The following SAMD4A variants were observed in gnomAD, a reference collection of about 807,000 sequenced individuals.
SAMD4A encodes sterile alpha motif domain containing 4A.
Under a neutral mutation model 81.3 loss-of-function variants are expected in SAMD4A, and 33 were observed. That is an observed-to-expected ratio of 0.41 (90% CI 0.31 to 0.54). SAMD4A has a LOEUF of 0.54. SAMD4A is among the 20% of genes least tolerant of loss of function. SAMD4A has a pLI of 0.37. For synonymous variants in SAMD4A, 389 were observed against 382.1 expected (o/e 1.02, Z -0.21); for missense variants, 854 against 951.1 (o/e 0.90, Z 1.34).
intron 3 of SAMD4A, among the ~76,000 whole-genome samples, chr14:54,715,492 C>T (rs574319121): frequency 2.0e-5 from 3 of 152,006 alleles, no homozygotes; most frequent in African/African-American, 4.8e-5. Flanking sequence ...CTACATACTA[C>T]GTGAAAAATC....
intron 12 of SAMD4A, 31 bp downstream of exon 12, chr14:54,784,651 T>G: frequency 1.3e-6 from 2 of 1,586,422 alleles, no homozygotes; most frequent in South Asian, 2.2e-5. Flanking sequence ...TGTCCCCATG[T>G]CCCTGTTACC....
intron 2 of SAMD4A, among the ~76,000 whole-genome samples, chr14:54,579,830 A>G (rs551175562): frequency 6.4e-4 from 97 of 152,334 alleles, no homozygotes; most frequent in Non-Finnish European, 7.6e-4. Context: ...ATAATTGCTC[A>G]TGACGTCCTT....
Position 54,579,781 on chromosome 14 carries a change from C to T in SAMD4A, c.196+11669C>T, listed in dbSNP as rs561938106. ...CTGGGCTTGAGGAGGGAAACAGGCC[C>T]TGCACACTGCAGAAAGGAAAGCCTA... On this transcript the variant is annotated intron_variant, in intron 2 of 12. Transcript: ENST00000554335. Among the ~76,000 whole-genome samples, 4 of 152,308 alleles carry T rather than the reference C, an allele frequency of 2.6e-5. No homozygotes were observed. In the East Asian group the frequency reaches 7.7e-4, roughly 29 times the overall value.
chr14:54,744,735 C>G (rs2037926186), intron 4 of SAMD4A, among the ~76,000 whole-genome samples: 2 of 152,178 alleles, frequency 1.3e-5, no homozygotes, highest in African/African-American at 4.8e-5. Flanking sequence ...GCATGGCTCT[C>G]ACCCCATGCT....
At chr14:54,578,602 C>T (rs1359465606) in intron 2 of SAMD4A, among the ~76,000 whole-genome samples, 2 of 151,866 alleles carry the variant, frequency 1.3e-5, no homozygotes, top group African/African-American at 4.8e-5. Flanking sequence ...GTCCCAACTA[C>T]TCGGGAGGCT....
At chr14:54,628,294 G>A (rs2034813749) in intron 2 of SAMD4A, among the ~76,000 whole-genome samples, 1 of 152,156 alleles carries the variant, frequency 6.6e-6, no homozygotes, top group Non-Finnish European at 1.5e-5. Context: ...GAAGTGACAG[G>A]CGCTTTGCCC....
At chr14:54,690,902 T>C (rs1179915046) in intron 2 of SAMD4A, among the ~76,000 whole-genome samples, 1 of 152,112 alleles carries the variant, frequency 6.6e-6, no homozygotes, top group African/African-American at 2.4e-5. Context: ...GGGCAGACAA[T>C]GGTTAGTTTC....
chr14:54,741,771 AG>A (rs1303524452), intron 4 of SAMD4A, among the ~76,000 whole-genome samples: 1 of 152,220 alleles, frequency 6.6e-6, no homozygotes, highest in Non-Finnish European at 1.5e-5. Context: ...GCATGACTAC[AG>A]GTCAGCCAAA....
chr14:54,726,374 G>GAGC (rs2037415772), intron 3 of SAMD4A, among the ~76,000 whole-genome samples: 1 of 152,126 alleles, frequency 6.6e-6, no homozygotes, highest in Non-Finnish European at 1.5e-5. Context: ...TTTATCTAGA[G>GAGC]AGCAGTGCAA....
intron 2 of SAMD4A, among the ~76,000 whole-genome samples, chr14:54,665,895 C>T (rs188621986): frequency 7.2e-5 from 11 of 152,234 alleles, no homozygotes; most frequent in Admixed American, 5.9e-4. Context: ...ATTTTCCTTA[C>T]GTTTAGCAAT....
In SAMD4A at chr14:54,634,759, GTCTA is replaced by G. The variant is rs71878753; in HGVS notation, c.196+66666_196+66669del. Among the ~76,000 whole-genome samples the G allele has an allele frequency of 3.5e-3, 501 of 141,224 alleles. 3 individuals are homozygous for G. Among genetic ancestry groups the G allele is most frequent in the South Asian group, 0.017 (75 of 4,446 alleles). The allele number at this position is 141,224 out of a possible 152,430, so 92.6% of individuals were successfully genotyped here. On this transcript the variant is annotated intron_variant, in intron 2 of 12. Coordinates refer to ENST00000554335, the MANE Select transcript of SAMD4A (RefSeq NM_015589.6). ...TGTCTGTCTGTCTGTCTGTCTGTCT[GTCTA>G]TCTATCTATCTATCTATCCATCCAC...
intron 2 of SAMD4A, among the ~76,000 whole-genome samples, chr14:54,585,729 A>C (rs758971357): frequency 6.6e-6 from 1 of 152,208 alleles, no homozygotes; most frequent in Non-Finnish European, 1.5e-5. Flanking sequence ...ACGTAGAATA[A>C]TAGTCTCCAG....
At chr14:54,710,314 A>T (rs973759624) in intron 3 of SAMD4A, among the ~76,000 whole-genome samples, 28 of 152,194 alleles carry the variant, frequency 1.8e-4, no homozygotes, top group African/African-American at 6.8e-4. Flanking sequence ...ACACACCTAC[A>T]TAGTGTTTAC....
chr14:54,741,819 C>T (rs1264376769), intron 4 of SAMD4A, among the ~76,000 whole-genome samples: 2 of 152,260 alleles, frequency 1.3e-5, no homozygotes, highest in Admixed American at 1.3e-4. Flanking sequence ...GTAGAGGGAA[C>T]AGCATTCACG....
intron 2 of SAMD4A, among the ~76,000 whole-genome samples, chr14:54,578,436 C>T (rs1456021920): frequency 2.0e-5 from 3 of 151,738 alleles, no homozygotes; most frequent in Admixed American, 6.6e-5. Flanking sequence ...TCTTGGTGGG[C>T]GCACTGGCTC....
At chr14:54,745,125 T>C (rs540666859) in intron 4 of SAMD4A, among the ~76,000 whole-genome samples, 11 of 152,338 alleles carry the variant, frequency 7.2e-5, no homozygotes, top group African/African-American at 2.4e-4. Flanking sequence ...GGTCCTGGCC[T>C]TCACTGTCAC....
chr14:54,566,077 T>C (rs923497763), upstream of SAMD4A, among the ~76,000 whole-genome samples: 8 of 151,870 alleles, frequency 5.3e-5, no homozygotes, highest in East Asian at 1.6e-3. Flanking sequence ...TGTTAATCAG[T>C]AGCATGTGGG....
chr14:54,594,794 T>C (rs2033870349), intron 2 of SAMD4A, among the ~76,000 whole-genome samples: 1 of 152,248 alleles, frequency 6.6e-6, no homozygotes, highest in Non-Finnish European at 1.5e-5. Flanking sequence ...AGCAACTTAT[T>C]GGTGCATAAT....
chr14:54,771,504 T>A (rs2139916356), intron 9 of SAMD4A, among the ~76,000 whole-genome samples: 1 of 152,270 alleles, frequency 6.6e-6, no homozygotes, highest in African/African-American at 2.4e-5. Context: ...GCGACACTCT[T>A]CAGGACCAGT....
Sources: allele counts gnomAD v4.1 joint callset (sites outside exome capture counted in the v4.1 genomes callset), GRCh38; gene constraint gnomAD v4.1.1; transcripts MANE v1.5; gene names NCBI Gene and HGNC (gene_info 2026-07-23, HGNC 2026-07-21).